Variants in PAPPA observed in about 807,000 individuals in gnomAD.
PAPPA encodes pappalysin-1.
In PAPPA, 60 loss-of-function variants were observed where a neutral mutation model predicts 164.0. The ratio of observed to expected loss-of-function variants is 0.37; its 90% CI spans 0.30 to 0.45. The LOEUF (loss-of-function observed/expected upper bound fraction) is 0.45. Among genes scored for constraint, PAPPA ranks in the 20% least tolerant of loss-of-function variants. The probability of loss-of-function intolerance (pLI) is 1.00; values close to 1 mark genes in which losing one functional copy is unlikely to be tolerated. For synonymous variants in PAPPA, 875 were observed against 814.1 expected, an observed-to-expected ratio of 1.07 and a Z score of -1.27; for missense variants, 1,782 against 2,087.3, an observed-to-expected ratio of 0.85 and a Z score of 2.85.
At chr9:116,225,743 AC>A (rs1844498514) in intron 5 of PAPPA, among the ~76,000 whole-genome samples, 1 of 152,164 alleles carries the variant, frequency 6.6e-6, no homozygotes, top group African/African-American at 2.4e-5. Flanking sequence ...AGAATGCAAA[AC>A]CTACAATTTG....
At position 116,396,699 on chromosome 9, in the gene PAPPA, G is replaced by A. The variant is rs1390674103; in HGVS notation, c.*83G>A. The A allele has an allele frequency of 6.9e-6, 5 of 723,886 alleles. No individual in the cohort carries two copies. Among genetic ancestry groups the A allele is most frequent in the African/African-American group, 3.5e-5 (2 of 57,810 alleles). 44.8% of individuals were successfully genotyped at this position (723,886 alleles called of 1,614,324 possible). A position where few individuals can be genotyped will look rare whatever the true frequency, so the allele number is the denominator to read the frequency against. On this transcript the variant is annotated 3_prime_UTR_variant, in exon 22 of 22. Coordinates refer to ENST00000328252, the MANE Select transcript of PAPPA (RefSeq NM_002581.5). ...TTGATTTCACAGTCAGCTGCTCAACGGAATGGCCTCTCCACACCAGGGATC... is the reference window on the plus strand; with the variant it reads ...TTGATTTCACAGTCAGCTGCTCAACAGAATGGCCTCTCCACACCAGGGATC...
chr9:116,168,304 C>T (rs1327753958), intron 1 of PAPPA, among the ~76,000 whole-genome samples: 2 of 152,114 alleles, frequency 1.3e-5, no homozygotes, highest in African/African-American at 4.8e-5. Flanking sequence ...ATATATTATA[C>T]ATTGAGTTAG....
At chr9:116,190,761 CT>C (rs1369832127) in intron 2 of PAPPA, among the ~76,000 whole-genome samples, 2 of 152,246 alleles carry the variant, frequency 1.3e-5, no homozygotes, top group African/African-American at 4.8e-5. Flanking sequence ...AAGGCCTCCT[CT>C]TTTCTAAGTC....
chr9:116,376,301 G>A (rs1442120166), intron 19 of PAPPA, among the ~76,000 whole-genome samples: 1 of 152,174 alleles, frequency 6.6e-6, no homozygotes, highest in Non-Finnish European at 1.5e-5. Flanking sequence ...TTACAGGCGT[G>A]AGCCACCACG....
chr9:116,295,346 G>A (rs1043109884), intron 9 of PAPPA, among the ~76,000 whole-genome samples: 2 of 152,062 alleles, frequency 1.3e-5, no homozygotes, highest in Admixed American at 6.5e-5. Flanking sequence ...CTGAGGTTAA[G>A]AGTTCGAGAC....
intron 19 of PAPPA, among the ~76,000 whole-genome samples, chr9:116,368,479 C>T (rs1324103144): frequency 1.3e-5 from 2 of 152,166 alleles, no homozygotes; most frequent in Admixed American, 6.5e-5. Context: ...AGTGCCAGGC[C>T]GGTGTGCCCC....
chr9:116,366,167 G>A (rs141641796), intron 18 of PAPPA, among the ~76,000 whole-genome samples: 112 of 152,314 alleles, frequency 7.4e-4, no homozygotes, highest in African/African-American at 2.6e-3. Context: ...GATTCTGACA[G>A]GTTGTTTCTT....
intron 2 of PAPPA, among the ~76,000 whole-genome samples, chr9:116,203,931 C>G (rs1844201302): frequency 1.3e-5 from 2 of 152,110 alleles, no homozygotes; most frequent in African/African-American, 4.8e-5. Flanking sequence ...AATAAGAAAA[C>G]CAAGAGAACT....
In PAPPA at chr9:116,244,165, T is replaced by C. The variant is rs573610229; in HGVS notation, c.2732+8528T>C. On this transcript the variant is annotated intron_variant, in intron 7 of 21. Transcript: ENST00000328252. ...AAAATCAACTGATCTCCAGGGTCAT[T>C]AACAGCCATAGAAGTGCTATCTCCA... is the stretch of plus-strand genomic sequence containing the variant. 3.1e-3 allele frequency among the ~76,000 whole-genome samples: 476 copies of C among 152,268 alleles called. 2 individuals are homozygous for C. The highest frequency in any genetic ancestry group is 5.5e-3 in the Non-Finnish European group (374 of 68,010).
intron 7 of PAPPA, among the ~76,000 whole-genome samples, chr9:116,239,419 T>G (rs1844710513): frequency 6.6e-6 from 1 of 152,110 alleles, no homozygotes; most frequent in Non-Finnish European, 1.5e-5. Flanking sequence ...GCCAACACAT[T>G]AAGCCCTTCT....
intron 1 of PAPPA, among the ~76,000 whole-genome samples, chr9:116,161,147 A>G (rs1478619782): frequency 6.6e-6 from 1 of 152,164 alleles, no homozygotes; most frequent in African/African-American, 2.4e-5. Flanking sequence ...CATTCCTGGA[A>G]AGGTGCTTTT....
intron 9 of PAPPA, among the ~76,000 whole-genome samples, chr9:116,289,209 G>GC (rs1845392498): frequency 3.7e-4 from 1 of 2,726 alleles, no homozygotes. Context: ...TATATATATA[G>GC]CATATATGTA....
chr9:116,394,369 T>A (rs1846934233), intron 21 of PAPPA, among the ~76,000 whole-genome samples: 2 of 152,222 alleles, frequency 1.3e-5, no homozygotes, highest in African/African-American at 2.4e-5. Flanking sequence ...TATGGTATTT[T>A]AAAAATCCTC....
At chr9:116,283,668 A>G (rs1391671515) in intron 9 of PAPPA, among the ~76,000 whole-genome samples, 3 of 152,200 alleles carry the variant, frequency 2.0e-5, no homozygotes, top group African/African-American at 7.2e-5. Context: ...AACCCAGCCC[A>G]AATTATCCGT....
intron 13 of PAPPA, among the ~76,000 whole-genome samples, chr9:116,338,360 G>C (rs1477400123): frequency 2.0e-5 from 3 of 152,112 alleles, no homozygotes; most frequent in Admixed American, 6.5e-5. Flanking sequence ...GCCAACTTTG[G>C]GGGGCAACAA....
chr9:116,330,369 C>A (rs1845973164), intron 10 of PAPPA, among the ~76,000 whole-genome samples: 1 of 152,130 alleles, frequency 6.6e-6, no homozygotes, highest in African/African-American at 2.4e-5. Context: ...GCACACATTG[C>A]CTGCTCTAAG....
At chr9:116,374,639 C>G (rs749941750) in intron 19 of PAPPA, among the ~76,000 whole-genome samples, 1 of 152,188 alleles carries the variant, frequency 6.6e-6, no homozygotes, top group Admixed American at 6.5e-5. Flanking sequence ...CTTGTACAAC[C>G]ACACCAAGAC....
At chr9:116,308,562 G>A (rs1845676234) in intron 10 of PAPPA, among the ~76,000 whole-genome samples, 4 of 152,178 alleles carry the variant, frequency 2.6e-5, no homozygotes, top group Admixed American at 2.6e-4. Flanking sequence ...CCAAGATGCA[G>A]GCCACTGTGT....
chr9:116,289,421 CAT>C (rs149045092), intron 9 of PAPPA, among the ~76,000 whole-genome samples: 51 of 141,806 alleles, frequency 3.6e-4, no homozygotes, highest in Non-Finnish European at 4.6e-4. Flanking sequence ...ATATATATAG[CAT>C]ATATATATAT....
Sources: gnomAD v4.1 joint callset for allele counts (sites outside exome capture counted in the v4.1 genomes callset) on GRCh38, gnomAD v4.1.1 for gene constraint, MANE v1.5 for transcripts, NCBI Gene and HGNC (gene_info 2026-07-23, HGNC 2026-07-21) for gene names.